FAM135B: variants seen among roughly 807,000 people sequenced by gnomAD.
FAM135B encodes the protein protein FAM135B.
Under a neutral mutation model 127.7 loss-of-function variants are expected in FAM135B, and 43 were observed. The ratio of observed to expected loss-of-function variants is 0.34; its 90% CI spans 0.26 to 0.43. The LOEUF (loss-of-function observed/expected upper bound fraction) is 0.43. Ranked by LOEUF, FAM135B falls within the 20% of genes least tolerant of loss-of-function variation. The pLI is 1.00. For missense variants in FAM135B, 1,558 were observed against 1,725.6 expected (o/e 0.90, Z 1.72); for synonymous variants, 670 against 665.1 (o/e 1.01, Z -0.11).
At chr8:138,445,083 C>T (rs1321082136) in intron 1 of FAM135B, among the ~76,000 whole-genome samples, 1 of 152,172 alleles carries the variant, frequency 6.6e-6, no homozygotes, top group African/African-American at 2.4e-5. Context: ...GACACATACA[C>T]CCTCCCAAGA....
intron 8 of FAM135B, among the ~76,000 whole-genome samples, chr8:138,195,938 T>C (rs1460547444): frequency 6.6e-6 from 1 of 152,224 alleles, no homozygotes; most frequent in Non-Finnish European, 1.5e-5. Context: ...AATTAAAGCA[T>C]GCTTGCCTAG....
chr8:138,306,776 C>T (rs550399200), intron 3 of FAM135B, among the ~76,000 whole-genome samples: 37 of 152,106 alleles, frequency 2.4e-4, no homozygotes, highest in Non-Finnish European at 4.3e-4. Context: ...TAGAGATGGG[C>T]TTTTGCCATG....
chr8:138,388,091 A>T (rs1396215057), intron 1 of FAM135B, among the ~76,000 whole-genome samples: 1 of 152,178 alleles, frequency 6.6e-6, no homozygotes, highest in Non-Finnish European at 1.5e-5. Flanking sequence ...CGAGACCTTA[A>T]CAAACCCCTC....
chr8:138,409,340 G>A (rs1478968277), intron 1 of FAM135B, among the ~76,000 whole-genome samples: 1 of 152,108 alleles, frequency 6.6e-6, no homozygotes, highest in Non-Finnish European at 1.5e-5. Flanking sequence ...ACATGGGCAT[G>A]CTTCATGGCA....
chr8:138,241,868 C>T lies in FAM135B; in HGVS notation c.669+1074G>A, dbSNP rs1050309538. 1.3e-5 allele frequency among the ~76,000 whole-genome samples: 2 copies of T among 152,270 alleles called. No homozygotes were observed. Among genetic ancestry groups the T allele is most frequent in the East Asian group, 3.9e-4 (2 of 5,166 alleles). ...TCAATTGAATAAAGCAGATAGCCCTCTCCAACATGAATAGGCCTTATCCAA... is the reference window on the plus strand; with the variant it reads ...TCAATTGAATAAAGCAGATAGCCCTTTCCAACATGAATAGGCCTTATCCAA... On this transcript the variant is annotated intron_variant, in intron 7 of 19. Transcript: ENST00000395297. This position sits in a 1 kb window ranked among gnomAD's most constrained non-coding sequence, Gnocchi z 4.8.
chr8:138,364,006 C>T (rs1484136823), intron 2 of FAM135B, among the ~76,000 whole-genome samples: 1 of 152,250 alleles, frequency 6.6e-6, no homozygotes, highest in East Asian at 1.9e-4. Flanking sequence ...CACATCCTCG[C>T]ACCCCAAAAA....
At chr8:138,391,202 G>A (rs1832551675) in intron 1 of FAM135B, among the ~76,000 whole-genome samples, 1 of 149,456 alleles carries the variant, frequency 6.7e-6, no homozygotes, top group Non-Finnish European at 1.5e-5. Flanking sequence ...TCCCAGATCA[G>A]AGAGACTGGT....
chr8:138,190,899 C>T (rs1052698719), intron 9 of FAM135B, among the ~76,000 whole-genome samples: 1 of 152,138 alleles, frequency 6.6e-6, no homozygotes, highest in African/African-American at 2.4e-5. Flanking sequence ...TGAGTTGCCC[C>T]ACCTTTTTGG....
chr8:138,364,995 C>T (rs1023534742), intron 2 of FAM135B, among the ~76,000 whole-genome samples: 9 of 151,854 alleles, frequency 5.9e-5, no homozygotes, highest in South Asian at 2.1e-4. Flanking sequence ...TACAAGTGCC[C>T]GCCACCACTC....
chr8:138,467,339 C>T (rs1176010395), intron 1 of FAM135B, among the ~76,000 whole-genome samples: 2 of 151,970 alleles, frequency 1.3e-5, no homozygotes, highest in East Asian at 1.9e-4. Flanking sequence ...AGGCCCTCGG[C>T]CTGTGTTGTC....
At chr8:138,384,558 T>A (rs17667231) in intron 1 of FAM135B, among the ~76,000 whole-genome samples, 1 of 151,870 alleles carries the variant, frequency 6.6e-6, no homozygotes, top group Admixed American at 6.6e-5. Flanking sequence ...GGGGCAAGAC[T>A]ATCTGCTCCC....
intron 2 of FAM135B, among the ~76,000 whole-genome samples, chr8:138,347,591 C>T (rs990547153): frequency 6.6e-6 from 1 of 152,150 alleles, no homozygotes; most frequent in Non-Finnish European, 1.5e-5. Flanking sequence ...AATTAACAGC[C>T]CTCTCATAAC....
chr8:138,382,407 G>C (rs1394808412), intron 1 of FAM135B, among the ~76,000 whole-genome samples: 1 of 152,116 alleles, frequency 6.6e-6, no homozygotes, highest in Non-Finnish European at 1.5e-5. Flanking sequence ...CACTGGGAAG[G>C]CCTCTCTTGA....
chr8:138,238,033 T>C lies in FAM135B; in HGVS notation c.669+4909A>G, dbSNP rs528381590. Among the ~76,000 whole-genome samples the C allele has an allele frequency of 4.6e-5, 7 of 152,138 alleles. No individual in the cohort carries two copies. In the East Asian group the frequency reaches 1.4e-3, roughly 29 times the overall value. On this transcript the variant is annotated intron_variant, in intron 7 of 19. Transcript: ENST00000395297. Reference sequence around the variant, plus strand: ...AGGCTAAAGGAGGCCTCGGGGATGATCATATCCAATTATCTCTCTATACCT... The same window carrying C: ...AGGCTAAAGGAGGCCTCGGGGATGACCATATCCAATTATCTCTCTATACCT...
At position 138,151,700 on chromosome 8, in the gene FAM135B, C is replaced by T. The variant is rs2130739541; in HGVS notation, c.2775G>A (p.Glu925=). ...CCTGATGTTGAGAGAGACCCTCAAC[C>T]TCTGAGATGCCACTGTTGGAAAGAG... is the stretch of plus-strand genomic sequence containing the variant. ...QQALSNSGIS[E]VEGLSQHQVP... The change falls in exon 13 of 20, where the codon GAG becomes GAA. Residue 925 remains glutamate, a synonymous_variant. Coordinates refer to ENST00000395297, the MANE Select transcript of FAM135B (RefSeq NM_015912.4). The T allele has an allele frequency of 6.2e-7, 1 of 1,614,178 alleles. No individual in the cohort carries two copies. The highest frequency in any genetic ancestry group is 8.5e-7 in the Non-Finnish European group (1 of 1,180,026).
At position 138,182,419 on chromosome 8, in the gene FAM135B, C is replaced by T. The variant is rs544890529; in HGVS notation, c.874-3729G>A. On this transcript the variant is annotated intron_variant, in intron 9 of 19. Coordinates refer to ENST00000395297, the MANE Select transcript of FAM135B (RefSeq NM_015912.4). ...TAGCTGAAACTCCCTGAAAAAAGGCCCTGCCATCCACGCCTGCCACACTTT... is the reference window on the plus strand; with the variant it reads ...TAGCTGAAACTCCCTGAAAAAAGGCTCTGCCATCCACGCCTGCCACACTTT... Among the ~76,000 whole-genome samples, 5 of 152,178 alleles carry T rather than the reference C, an allele frequency of 3.3e-5. No individual in the cohort carries two copies. The South Asian group carries it at 1.0e-3, about 32-fold the overall frequency.
At position 138,486,691 on chromosome 8, in the gene FAM135B, T is replaced by C. The variant is rs1814996811; in HGVS notation, c.-20+9980A>G. Among the ~76,000 whole-genome samples the C allele has an allele frequency of 2.6e-5, 4 of 152,228 alleles. No homozygotes were observed. The South Asian group carries it at 8.3e-4, about 31-fold the overall frequency. On this transcript the variant is annotated intron_variant, in intron 1 of 19. Transcript: ENST00000395297. The stretch of plus-strand genomic sequence containing the variant: ...CCATCAGGCTGAGACTAGATATCCA[T>C]GGCTGTCCTCTCCCTTGTCTAATAC...
chr8:138,423,785 C>A (rs1834670933), intron 1 of FAM135B, among the ~76,000 whole-genome samples: 1 of 152,208 alleles, frequency 6.6e-6, no homozygotes, highest in East Asian at 1.9e-4. Context: ...TCCTAATAAA[C>A]CTGGGAGCAC....
intron 2 of FAM135B, among the ~76,000 whole-genome samples, chr8:138,362,053 C>A (rs2131181559): frequency 6.6e-6 from 1 of 152,158 alleles, no homozygotes; most frequent in East Asian, 1.9e-4. Context: ...TATAGGCATG[C>A]AACGCATAAT....
Sources: gnomAD v4.1 joint callset for allele counts (sites outside exome capture counted in the v4.1 genomes callset) on GRCh38, gnomAD v4.1.1 for gene constraint, Gnocchi (gnomAD v3.1) non-coding constraint, MANE v1.5 for transcripts, NCBI Gene and HGNC (gene_info 2026-07-23, HGNC 2026-07-21) for gene names.